The following MAPK10 variants were observed in gnomAD, a reference collection of about 807,000 sequenced individuals.
The protein encoded by MAPK10 is mitogen-activated protein kinase 10.
A neutral mutation model predicts 59.3 loss-of-function variants in MAPK10; 25 were observed. The ratio of observed to expected loss-of-function variants is 0.42; its 90% CI spans 0.31 to 0.59. MAPK10 has a LOEUF of 0.59. Ranked by LOEUF, MAPK10 falls within the 20% of genes least tolerant of loss-of-function variation. The probability of loss-of-function intolerance (pLI) is 0.15; values close to 1 mark genes in which losing one functional copy is unlikely to be tolerated. For synonymous variants in MAPK10, 190 were observed against 200.5 expected, an observed-to-expected ratio of 0.95 and a Z score of 0.44; for missense variants, 351 against 568.9, an observed-to-expected ratio of 0.62 and a Z score of 3.90.
At chr4:86,286,753 G>A (rs2095029207) in intron 2 of MAPK10, among the ~76,000 whole-genome samples, 1 of 152,154 alleles carries the variant, frequency 6.6e-6, no homozygotes, top group Non-Finnish European at 1.5e-5. Context: ...ATGAGGAGAG[G>A]GGGAAGGTTG....
intron 9 of MAPK10, among the ~76,000 whole-genome samples, chr4:86,074,762 C>T (rs1242006350): frequency 1.1e-4 from 15 of 132,976 alleles, no homozygotes; most frequent in African/African-American, 3.9e-4. Flanking sequence ...CCGAGAGATC[C>T]GCTGTTAGTC....
At chr4:86,527,134 C>A (rs1757517932) in intron 1 of MAPK10, among the ~76,000 whole-genome samples, 2 of 151,510 alleles carry the variant, frequency 1.3e-5, no homozygotes, top group South Asian at 4.2e-4. Flanking sequence ...CCTAGTAAGA[C>A]CTTGTCGCTA....
At chr4:86,525,482 C>A (rs1413067807) in intron 1 of MAPK10, among the ~76,000 whole-genome samples, 2 of 152,098 alleles carry the variant, frequency 1.3e-5, no homozygotes, top group African/African-American at 2.4e-5. Flanking sequence ...GTCTTAAAAA[C>A]CAGTCACTGA....
chr4:86,337,095 G>T (rs138059753), intron 2 of MAPK10, among the ~76,000 whole-genome samples: 91 of 152,170 alleles, frequency 6.0e-4, no homozygotes, highest in Non-Finnish European at 1.0e-3. Flanking sequence ...GGCCAGGAAT[G>T]ATTTTTTAAT....
At chr4:86,245,258 G>A (rs2093006869) in intron 2 of MAPK10, among the ~76,000 whole-genome samples, 2 of 151,394 alleles carry the variant, frequency 1.3e-5, no homozygotes, top group Non-Finnish European at 2.9e-5. Context: ...GAGCCCAACT[G>A]TATACATGGT....
chr4:86,283,437 C>A (rs1016868545), intron 2 of MAPK10, among the ~76,000 whole-genome samples: 2 of 152,152 alleles, frequency 1.3e-5, no homozygotes, highest in South Asian at 4.1e-4. Context: ...CACTCCAATA[C>A]CAAAATAGGG....
At chr4:86,562,412 G>A (rs1760746888) in intron 1 of MAPK10, among the ~76,000 whole-genome samples, 1 of 152,094 alleles carries the variant, frequency 6.6e-6, no homozygotes, top group South Asian at 2.1e-4. Flanking sequence ...TGCTAGGCTG[G>A]GTACAGTGGC....
intron 1 of MAPK10, among the ~76,000 whole-genome samples, chr4:86,393,564 C>T (rs1742516052): frequency 6.6e-6 from 1 of 152,196 alleles, no homozygotes; most frequent in African/African-American, 2.4e-5. Context: ...ACTGCCACTA[C>T]AGCTTTGTGG....
At chr4:86,512,098 T>C (rs1756319578) in intron 1 of MAPK10, among the ~76,000 whole-genome samples, 1 of 152,120 alleles carries the variant, frequency 6.6e-6, no homozygotes, top group Non-Finnish European at 1.5e-5. Flanking sequence ...TTTGAAAGAT[T>C]TTTGACTCCT....
chr4:86,214,240 A>T (rs2086705004), intron 2 of MAPK10, among the ~76,000 whole-genome samples: 2 of 152,098 alleles, frequency 1.3e-5, no homozygotes, highest in African/African-American at 4.8e-5. Flanking sequence ...ATCTCAACAC[A>T]ATAAGAACCA....
chr4:86,092,402 A>G (rs145833374), intron 9 of MAPK10, among the ~76,000 whole-genome samples: 91 of 152,118 alleles, frequency 6.0e-4, no homozygotes, highest in African/African-American at 2.1e-3. Context: ...ATTTATATAG[A>G]TTTTTATGTA....
chr4:86,083,105 GAGTT>G (rs1312204762), intron 9 of MAPK10, among the ~76,000 whole-genome samples: 4 of 152,092 alleles, frequency 2.6e-5, no homozygotes, highest in Non-Finnish European at 4.4e-5. Context: ...TTTTGTTCTT[GAGTT>G]AGTTCATATA....
intron 1 of MAPK10, among the ~76,000 whole-genome samples, chr4:86,508,161 T>C (rs1755948362): frequency 6.6e-6 from 1 of 152,170 alleles, no homozygotes; most frequent in African/African-American, 2.4e-5. Context: ...CATTTTCTTT[T>C]AGAGAATCTT....
intron 1 of MAPK10, among the ~76,000 whole-genome samples, chr4:86,575,800 T>C (rs918125414): frequency 1.3e-5 from 2 of 150,706 alleles, no homozygotes; most frequent in South Asian, 4.3e-4. Context: ...GGGGTTATGA[T>C]GTAGTAACTC....
chr4:86,552,485 G>GA (rs1221768634), intron 1 of MAPK10, among the ~76,000 whole-genome samples: 2 of 64,622 alleles, frequency 3.1e-5, no homozygotes, highest in African/African-American at 4.9e-5. Flanking sequence ...GGGAGGGAGG[G>GA]AGGGAGGGAG....
chr4:86,147,097 T>A (rs2065192658), intron 4 of MAPK10, among the ~76,000 whole-genome samples: 1 of 152,094 alleles, frequency 6.6e-6, no homozygotes, highest in Non-Finnish European at 1.5e-5. Flanking sequence ...TCTTCTTATT[T>A]TTTTTTTGAG....
chr4:86,075,228 T>A (rs549308962), intron 9 of MAPK10, among the ~76,000 whole-genome samples: 1 of 152,342 alleles, frequency 6.6e-6, no homozygotes, highest in South Asian at 2.1e-4. Flanking sequence ...TTCTCGAGCC[T>A]TGGTTTTCAG....
intron 11 of MAPK10, 27 bp downstream of exon 11, chr4:86,064,239 G>A: frequency 6.2e-7 from 1 of 1,612,842 alleles, no homozygotes; most frequent in Non-Finnish European, 8.5e-7. Context: ...GTTTGTGGAA[G>A]CAAAGTAAAG....
chr4:86,288,706 G>A (rs2095115223), intron 2 of MAPK10, among the ~76,000 whole-genome samples: 1 of 152,066 alleles, frequency 6.6e-6, no homozygotes, highest in Non-Finnish European at 1.5e-5. Flanking sequence ...AGAGATTAAT[G>A]TTAAAGTCTT....
Sources: allele counts gnomAD v4.1 joint callset (sites outside exome capture counted in the v4.1 genomes callset), GRCh38; gene constraint gnomAD v4.1.1; transcripts MANE v1.5; gene names NCBI Gene and HGNC (gene_info 2026-07-23, HGNC 2026-07-21).